Variants in DSCAML1 observed in about 807,000 individuals in gnomAD.
DSCAML1 encodes the protein DS cell adhesion molecule like 1, also known as cell adhesion molecule DSCAML1.
Under a neutral mutation model 200.5 loss-of-function variants are expected in DSCAML1, and 38 were observed. That is an observed-to-expected ratio of 0.19 (90% CI 0.15 to 0.25). The LOEUF is 0.25. Ranked by LOEUF, DSCAML1 falls within the 10% of genes least tolerant of loss-of-function variation. DSCAML1 has a pLI of 1.00. For missense variants in DSCAML1, 2,223 were observed against 2,858.8 expected (o/e 0.78, Z 5.07); for synonymous variants, 1,215 against 1,165.0 (o/e 1.04, Z -0.87).
At chr11:117,512,888 G>C (rs1010664365) in intron 8 of DSCAML1, among the ~76,000 whole-genome samples, 1 of 151,642 alleles carries the variant, frequency 6.6e-6, no homozygotes, top group Non-Finnish European at 1.5e-5. Flanking sequence ...CCAGCGAGTC[G>C]CCGAGACGGA....
intron 3 of DSCAML1, among the ~76,000 whole-genome samples, chr11:117,647,176 G>C (rs1353510558): frequency 6.6e-6 from 1 of 152,234 alleles, no homozygotes; most frequent in African/African-American, 2.4e-5. Flanking sequence ...CATGAGGCAA[G>C]AGTCCAAGTG....
intron 21 of DSCAML1, among the ~76,000 whole-genome samples, chr11:117,442,367 TTAG>T (rs1249027778): frequency 1.3e-5 from 2 of 151,956 alleles, no homozygotes; most frequent in African/African-American, 4.8e-5. Context: ...TATGCATATA[TTAG>T]TGTGTATAGT....
At chr11:117,663,065 G>C (rs1345507803) in intron 3 of DSCAML1, among the ~76,000 whole-genome samples, 2 of 152,174 alleles carry the variant, frequency 1.3e-5, no homozygotes, top group Non-Finnish European at 2.9e-5. Flanking sequence ...TCCGATGCTG[G>C]CTGAACCCCA....
At chr11:117,797,309 C>G (rs563363802), upstream of DSCAML1, 1,246 of 1,311,166 alleles carry the variant, frequency 9.5e-4, 8 homozygotes, top group African/African-American at 0.017. Context: ...CGCGGCACCC[C>G]GGGTGGTGAG....
At chr11:117,507,207 A>G (rs979069375) in intron 8 of DSCAML1, among the ~76,000 whole-genome samples, 4 of 152,226 alleles carry the variant, frequency 2.6e-5, no homozygotes, top group South Asian at 2.1e-4. Flanking sequence ...TGAGCACCCA[A>G]TAGATGAGAT....
intron 3 of DSCAML1, among the ~76,000 whole-genome samples, chr11:117,752,306 C>A (rs2054618415): frequency 6.6e-6 from 1 of 152,108 alleles, no homozygotes; most frequent in Non-Finnish European, 1.5e-5. Context: ...GGTGGAACGA[C>A]AATTTATGTT....
chr11:117,506,643 G>C (rs542630102), intron 8 of DSCAML1, among the ~76,000 whole-genome samples: 7 of 151,046 alleles, frequency 4.6e-5, no homozygotes, highest in Admixed American at 3.3e-4. Flanking sequence ...TGCAGCCTGG[G>C]CTCGAGTGAT....
chr11:117,618,296 A>G (rs2051854052), intron 3 of DSCAML1, among the ~76,000 whole-genome samples: 1 of 152,266 alleles, frequency 6.6e-6, no homozygotes. Flanking sequence ...GCTACCATCT[A>G]AAGGCATCCA....
At chr11:117,675,278 C>T (rs1198350818) in intron 3 of DSCAML1, among the ~76,000 whole-genome samples, 1 of 152,028 alleles carries the variant, frequency 6.6e-6, no homozygotes, top group Non-Finnish European at 1.5e-5. Context: ...CATTTTCAAA[C>T]ATACCACAAA....
At chr11:117,682,626 C>T (rs946100527) in intron 3 of DSCAML1, among the ~76,000 whole-genome samples, 1 of 152,190 alleles carries the variant, frequency 6.6e-6, no homozygotes, top group African/African-American at 2.4e-5. Flanking sequence ...CCTGACTTGA[C>T]ACCCCCTCCA....
In DSCAML1 at chr11:117,734,685, AG is replaced by A. The variant is rs1296745318; in HGVS notation, c.511+42105del. Among the ~76,000 whole-genome samples, 18 of 152,068 alleles carry A rather than the reference AG, an allele frequency of 1.2e-4. 1 individual carries two copies. Among genetic ancestry groups the A allele is most frequent in the African/African-American group, 3.9e-4 (16 of 41,378 alleles). ...TCCTGTTCTCTTTTGTAAGCTCCAGAGGGGGCAGGGACTATGCCTGTTTTGT... is the reference window on the plus strand; with the variant it reads ...TCCTGTTCTCTTTTGTAAGCTCCAGAGGGGCAGGGACTATGCCTGTTTTGT... On this transcript the variant is annotated intron_variant, in intron 3 of 32. Transcript: ENST00000651296.
upstream of DSCAML1, among the ~76,000 whole-genome samples, chr11:117,800,618 C>T (rs2055648490): frequency 6.6e-6 from 1 of 152,150 alleles, no homozygotes; most frequent in Non-Finnish European, 1.5e-5. Context: ...GACACACTAC[C>T]CATTTAAAAG....
intron 24 of DSCAML1, 73 bp downstream of exon 24, chr11:117,438,812 G>T: frequency 7.7e-7 from 1 of 1,305,574 alleles, no homozygotes; most frequent in East Asian, 2.9e-5. Context: ...GGCAGAAGTG[G>T]GTGAAGCCCC....
At chr11:117,663,322 A>G (rs2052901451) in intron 3 of DSCAML1, among the ~76,000 whole-genome samples, 1 of 151,830 alleles carries the variant, frequency 6.6e-6, no homozygotes, top group African/African-American at 2.4e-5. Context: ...CTTTCCCCCA[A>G]ACTGGGCTCT....
intron 3 of DSCAML1, among the ~76,000 whole-genome samples, chr11:117,594,901 T>C (rs1214168421): frequency 6.6e-6 from 1 of 152,230 alleles, no homozygotes; most frequent in Non-Finnish European, 1.5e-5. Flanking sequence ...TGGCAGTTTC[T>C]GTGGTGGGAT....
chr11:117,598,424 G>A (rs2051403176), intron 3 of DSCAML1, among the ~76,000 whole-genome samples: 1 of 152,178 alleles, frequency 6.6e-6, no homozygotes, highest in Admixed American at 6.5e-5. Context: ...TTAGAACTCA[G>A]GTTTTTCTGA....
Position 117,654,329 on chromosome 11 carries a change from A to G in DSCAML1, c.512-121807T>C, listed in dbSNP as rs932514945. 2.0e-5 allele frequency among the ~76,000 whole-genome samples: 3 copies of G among 152,184 alleles called. No homozygotes were observed. In the South Asian group the frequency reaches 6.2e-4, roughly 32 times the overall value. On this transcript the variant is annotated intron_variant, in intron 3 of 32. Coordinates refer to ENST00000651296, the MANE Select transcript of DSCAML1 (RefSeq NM_020693.4). ...AAGATCACCGAACTGTGCCTTTTAAATGGGTGTATTGTATGGTATAAGAAT... is the reference window on the plus strand; with the variant it reads ...AAGATCACCGAACTGTGCCTTTTAAGTGGGTGTATTGTATGGTATAAGAAT...
At position 117,780,405 on chromosome 11, in the gene DSCAML1, G is replaced by A; in HGVS notation, c.364+88C>T. 2 of 1,217,874 alleles carry A rather than the reference G, an allele frequency of 1.6e-6. No individual in the cohort carries two copies. Among genetic ancestry groups the A allele is most frequent in the Non-Finnish European group, 2.2e-6 (2 of 923,406 alleles). 75.4% of individuals were successfully genotyped at this position (1,217,874 alleles called of 1,614,324 possible). On this transcript the variant is annotated intron_variant, in intron 2 of 32. Coordinates refer to ENST00000651296, the MANE Select transcript of DSCAML1 (RefSeq NM_020693.4). The surrounding 1 kb of genome is among the most constrained non-coding windows in gnomAD (Gnocchi z 4.8). ...ACAACAAAACTGTTCTTGAGTGAAC[G>A]ACTTCTTGCAAGCCCCTCCGAATAT...
At chr11:117,444,298 G>A (rs1406483375) in intron 20 of DSCAML1, among the ~76,000 whole-genome samples, 3 of 152,208 alleles carry the variant, frequency 2.0e-5, no homozygotes, top group Non-Finnish European at 4.4e-5. Flanking sequence ...TCCACGCTCT[G>A]GCAGCTGTGG....
Sources: allele counts gnomAD v4.1 joint callset (sites outside exome capture counted in the v4.1 genomes callset), GRCh38; gene constraint gnomAD v4.1.1; non-coding constraint Gnocchi (gnomAD v3.1); transcripts MANE v1.5; gene names NCBI Gene and HGNC (gene_info 2026-07-23, HGNC 2026-07-21).